IL1RAPL2: variants seen among roughly 807,000 people sequenced by gnomAD.
The protein encoded by IL1RAPL2 is interleukin 1 receptor accessory protein like 2.
A neutral mutation model predicts 44.1 loss-of-function variants in IL1RAPL2; 3 were observed. The ratio of observed to expected loss-of-function variants is 0.07; its 90% CI spans 0.03 to 0.18. IL1RAPL2 has a LOEUF of 0.18. Among genes scored for constraint, IL1RAPL2 ranks in the 10% least tolerant of loss-of-function variants. The pLI is 1.00. For synonymous variants in IL1RAPL2, 181 were observed against 178.8 expected, an observed-to-expected ratio of 1.01 and a Z score of -0.10; for missense variants, 391 against 496.4, an observed-to-expected ratio of 0.79 and a Z score of 2.02.
chrX:105,175,180 A>T (rs1364607572), intron 2 of IL1RAPL2, among the ~76,000 whole-genome samples: 1 of 111,347 alleles, frequency 9.0e-6, no homozygotes, highest in Non-Finnish European at 1.9e-5. Flanking sequence ...TATTACTACT[A>T]TTTACCAGCT....
chrX:105,661,839 G>A (rs1392681203), intron 6 of IL1RAPL2, among the ~76,000 whole-genome samples: 3 of 112,197 alleles, frequency 2.7e-5, no homozygotes, highest in African/African-American at 9.7e-5. Context: ...TAGTTAAAAA[G>A]TATTCCATAA....
intron 2 of IL1RAPL2, among the ~76,000 whole-genome samples, chrX:104,788,029 G>A (rs1025106962): frequency 3.6e-5 from 4 of 111,583 alleles, no homozygotes; most frequent in African/African-American, 1.3e-4. Flanking sequence ...CCAGAAATCA[G>A]TAGATGGCTG....
At chrX:105,732,292 T>A (rs935199945) in intron 7 of IL1RAPL2, among the ~76,000 whole-genome samples, 1 of 111,141 alleles carries the variant, frequency 9.0e-6, no homozygotes, top group Non-Finnish European at 1.9e-5. Context: ...ACTCACCAAA[T>A]CTCATGTGGA....
At chrX:104,709,149 C>A (rs1279237796) in intron 2 of IL1RAPL2, among the ~76,000 whole-genome samples, 2 of 109,775 alleles carry the variant, frequency 1.8e-5, no homozygotes, top group Non-Finnish European at 3.8e-5. Flanking sequence ...CATAGGTAAG[C>A]TACCTGTCAC....
chrX:105,609,101 T>C (rs1373506047), intron 6 of IL1RAPL2, among the ~76,000 whole-genome samples: 1 of 111,663 alleles, frequency 9.0e-6, no homozygotes, highest in African/African-American at 3.3e-5. Context: ...AATGGGTTGG[T>C]TCTTTATGCT....
At chrX:105,014,535 A>C (rs1374652190) in intron 2 of IL1RAPL2, among the ~76,000 whole-genome samples, 1 of 110,098 alleles carries the variant, frequency 9.1e-6, no homozygotes, top group Non-Finnish European at 1.9e-5. Context: ...TCATTGTTCA[A>C]CTCCCACTTA....
At chrX:104,647,889 T>C (rs929751351) in intron 1 of IL1RAPL2, 3 of 638,010 alleles carry the variant, frequency 4.7e-6, no homozygotes, top group African/African-American at 2.2e-5. Context: ...CGGTCAAAGA[T>C]GACAGCTCTG....
At chrX:105,306,919 A>G (rs1179558158) in intron 5 of IL1RAPL2, among the ~76,000 whole-genome samples, 2 of 111,409 alleles carry the variant, frequency 1.8e-5, no homozygotes, top group Non-Finnish European at 3.8e-5. Context: ...AAAGTAGTTT[A>G]ATTAACTCAC....
At chrX:105,542,733 TTTA>T (rs1240743657) in intron 6 of IL1RAPL2, among the ~76,000 whole-genome samples, 1 of 56,668 alleles carries the variant, frequency 1.8e-5, no homozygotes, top group East Asian at 4.1e-4. Flanking sequence ...ATTTATTTAA[TTTA>T]TTATTTTTTT....
At chrX:104,902,274 C>A (rs973703262) in intron 2 of IL1RAPL2, among the ~76,000 whole-genome samples, 1 of 111,984 alleles carries the variant, frequency 8.9e-6, no homozygotes, top group African/African-American at 3.2e-5. Flanking sequence ...GAGGTGAAAG[C>A]TAATTCTTAC....
intron 1 of IL1RAPL2, among the ~76,000 whole-genome samples, chrX:104,640,285 G>A: frequency 9.0e-6 from 1 of 111,293 alleles, no homozygotes; most frequent in Non-Finnish European, 1.9e-5. Context: ...GCTTTCAAAT[G>A]TATTTTTTTA....
Position 105,492,313 on chromosome X carries a change from G to A in IL1RAPL2, c.772+7926G>A, listed in dbSNP as rs761139917. ...ATTTCAACAAGATCTGTTTCACTCC[G>A]AAGTTTTTTCTTTTTATTATAGCAC... On this transcript the variant is annotated intron_variant, in intron 6 of 10. Coordinates refer to ENST00000372582, the MANE Select transcript of IL1RAPL2 (RefSeq NM_017416.2). 3.6e-5 allele frequency among the ~76,000 whole-genome samples: 4 copies of A among 110,440 alleles called. No individual in the cohort carries two copies. The South Asian group carries it at 1.1e-3, about 31-fold the overall frequency.
At chrX:104,599,886 G>C (rs1928845069) in intron 1 of IL1RAPL2, among the ~76,000 whole-genome samples, 1 of 110,919 alleles carries the variant, frequency 9.0e-6, no homozygotes, top group Non-Finnish European at 1.9e-5. Flanking sequence ...GTTTTATTTG[G>C]CTTTTTAAAT....
intron 6 of IL1RAPL2, among the ~76,000 whole-genome samples, chrX:105,645,558 C>G (rs1569461366): frequency 8.9e-6 from 1 of 111,769 alleles, no homozygotes; most frequent in African/African-American, 3.3e-5. Flanking sequence ...ATGCATCTGA[C>G]AGTATTTGGT....
intron 2 of IL1RAPL2, among the ~76,000 whole-genome samples, chrX:104,975,215 G>T (rs2030310414): frequency 9.0e-6 from 1 of 111,099 alleles, no homozygotes; most frequent in South Asian, 3.9e-4. Flanking sequence ...AGAAGAGTTT[G>T]CCCTTCTGGG....
In IL1RAPL2 at chrX:105,090,647, A is replaced by G. The variant is rs772021900; in HGVS notation, c.83-104828A>G. Among the ~76,000 whole-genome samples the G allele has an allele frequency of 1.6e-4, 18 of 112,595 alleles. No individual in the cohort carries two copies. The South Asian group carries it at 6.6e-3, about 41-fold the overall frequency. ...AGCCTATCAAGTACAAATATGTATG[A>G]TTCTCTTAGGGCTTAATTAGTGGGT... On this transcript the variant is annotated intron_variant, in intron 2 of 10. Coordinates refer to ENST00000372582, the MANE Select transcript of IL1RAPL2 (RefSeq NM_017416.2).
At chrX:104,652,708 C>T (rs1028403266) in intron 1 of IL1RAPL2, among the ~76,000 whole-genome samples, 1 of 111,777 alleles carries the variant, frequency 8.9e-6, no homozygotes, top group African/African-American at 3.2e-5. Flanking sequence ...TACCCTCTTC[C>T]ACTGAGAGAT....
At chrX:105,534,567 T>G (rs2147794559) in intron 6 of IL1RAPL2, among the ~76,000 whole-genome samples, 1 of 111,252 alleles carries the variant, frequency 9.0e-6, no homozygotes, top group Admixed American at 9.6e-5. Context: ...CCAAAATTTT[T>G]GAAAAAATGG....
intron 6 of IL1RAPL2, among the ~76,000 whole-genome samples, chrX:105,492,309 C>T (rs2147779211): frequency 9.0e-6 from 1 of 110,688 alleles, no homozygotes; most frequent in East Asian, 2.8e-4. Flanking sequence ...ATCTGTTTCA[C>T]TCCGAAGTTT....
Sources: gnomAD v4.1 joint callset for allele counts (sites outside exome capture counted in the v4.1 genomes callset) on GRCh38, gnomAD v4.1.1 for gene constraint, MANE v1.5 for transcripts, NCBI Gene and HGNC (gene_info 2026-07-23, HGNC 2026-07-21) for gene names.